Variants in OSBPL9 observed in about 807,000 individuals in gnomAD.
OSBPL9 encodes oxysterol binding protein like 9.
OSBPL9 carries 40 observed loss-of-function variants against 106.6 expected under a neutral mutation model. That is an observed-to-expected ratio of 0.38 (90% CI 0.29 to 0.49). OSBPL9 has a LOEUF of 0.49. Ranked by LOEUF, OSBPL9 falls within the 20% of genes least tolerant of loss-of-function variation. The pLI is 0.97. For synonymous variants in OSBPL9, 269 were observed against 295.4 expected (o/e 0.91, Z 0.92); for missense variants, 609 against 887.2 (o/e 0.69, Z 3.98).
At chr1:51,607,757 C>T (rs1418911724) in intron 2 of OSBPL9, among the ~76,000 whole-genome samples, 1 of 152,178 alleles carries the variant, frequency 6.6e-6, no homozygotes, top group Non-Finnish European at 1.5e-5. Context: ...TTCTCACCTC[C>T]TTGGAGGAAA....
At chr1:51,672,025 T>G (rs984282066) in intron 3 of OSBPL9, among the ~76,000 whole-genome samples, 1 of 152,076 alleles carries the variant, frequency 6.6e-6, no homozygotes, top group Non-Finnish European at 1.5e-5. Context: ...TGGAGAGTAA[T>G]GGAGAATGAA....
intron 4 of OSBPL9, among the ~76,000 whole-genome samples, chr1:51,725,550 T>C (rs570279619): frequency 2.0e-5 from 3 of 152,314 alleles, no homozygotes; most frequent in Admixed American, 1.3e-4. Flanking sequence ...TGAGTGGACC[T>C]TTAGTAATGT....
At chr1:51,582,478 C>T (rs1423101086) in intron 1 of OSBPL9, among the ~76,000 whole-genome samples, 2 of 152,158 alleles carry the variant, frequency 1.3e-5, no homozygotes, top group Admixed American at 6.5e-5. Flanking sequence ...CAGGCACGCA[C>T]CACCATGCAT....
At chr1:51,612,377 C>T (rs759780518), upstream of OSBPL9, among the ~76,000 whole-genome samples, 6 of 152,136 alleles carry the variant, frequency 3.9e-5, no homozygotes, top group Non-Finnish European at 5.9e-5. Flanking sequence ...CTGTCCTTGA[C>T]GAGTTTTTGA....
intron 1 of OSBPL9, among the ~76,000 whole-genome samples, chr1:51,643,768 A>C (rs1461434129): frequency 6.6e-6 from 1 of 151,980 alleles, no homozygotes; most frequent in Non-Finnish European, 1.5e-5. Flanking sequence ...GGAGAGGAAG[A>C]AGAGATAGAG....
chr1:51,730,106 C>T (rs542268786), intron 4 of OSBPL9: 6 of 1,252,060 alleles, frequency 4.8e-6, no homozygotes, highest in East Asian at 6.3e-5. Flanking sequence ...ACCCTGCCTC[C>T]TTCCCGCCGC....
At chr1:51,600,550 GAAATT>G (rs1645321538) in intron 2 of OSBPL9, among the ~76,000 whole-genome samples, 1 of 152,042 alleles carries the variant, frequency 6.6e-6, no homozygotes, top group Non-Finnish European at 1.5e-5. Context: ...GGTTTTAAAA[GAAATT>G]AAAATTAAAA....
intron 1 of OSBPL9, among the ~76,000 whole-genome samples, chr1:51,650,667 T>C (rs1646460389): frequency 6.6e-6 from 1 of 152,242 alleles, no homozygotes; most frequent in South Asian, 2.1e-4. Context: ...TATAGTTTCA[T>C]GTGGGATAAT....
At chr1:51,528,431 C>T in the OSBPL9 span, among the ~76,000 whole-genome samples, 26 of 151,960 alleles carry the variant, frequency 1.7e-4, no homozygotes, top group Admixed American at 6.6e-5. Context: ...TAAGTCCCAG[C>T]GACCTGGGAG....
In OSBPL9 at chr1:51,776,932, C is replaced by T. The variant is rs930203421; in HGVS notation, c.1256+14C>T. On this transcript the variant is annotated intron_variant, in intron 15 of 23. Transcript: ENST00000428468. ...CCTGTTTGTGAGGTATTTGACTGAA[C>T]ATGGTAGTTTCCAACGTTTACAGAT... The T allele has an allele frequency of 1.9e-6, 3 of 1,586,072 alleles. No individual in the cohort carries two copies. The African/African-American group carries it at 4.0e-5, about 21-fold the overall frequency.
the OSBPL9 span, among the ~76,000 whole-genome samples, chr1:51,525,046 G>T: frequency 6.6e-6 from 1 of 152,214 alleles, no homozygotes; most frequent in African/African-American, 2.4e-5. Context: ...CTGTTTGCCA[G>T]ACTTGGGCTC....
intron 15 of OSBPL9, among the ~76,000 whole-genome samples, chr1:51,777,513 G>T (rs982650665): frequency 6.6e-6 from 1 of 152,144 alleles, no homozygotes; most frequent in Admixed American, 6.5e-5. Context: ...TTGTAATGGG[G>T]AATGTTGTTA....
chr1:51,651,793 T>C (rs2148706329), intron 1 of OSBPL9, among the ~76,000 whole-genome samples, 198 bp from the exon 2 acceptor site: 1 of 152,326 alleles, frequency 6.6e-6, no homozygotes, highest in Non-Finnish European at 1.5e-5. Flanking sequence ...ATGATTAGGT[T>C]AATTTATATA....
the OSBPL9 span, among the ~76,000 whole-genome samples, chr1:51,552,012 G>A: frequency 4.0e-5 from 5 of 126,296 alleles, no homozygotes; most frequent in Admixed American, 7.5e-5. Flanking sequence ...TAGTTTGTTC[G>A]TAAATAAAAT....
intron 4 of OSBPL9, among the ~76,000 whole-genome samples, chr1:51,735,717 G>T (rs375277295): frequency 1.3e-5 from 2 of 152,350 alleles, no homozygotes; most frequent in South Asian, 4.1e-4. Context: ...AGTAATTATT[G>T]TAACACTGAA....
intron 13 of OSBPL9, 33 bp downstream of exon 13, chr1:51,772,215 C>T: frequency 1.3e-6 from 2 of 1,548,004 alleles, no homozygotes; most frequent in South Asian, 2.3e-5. Flanking sequence ...ACTTTTTTTT[C>T]TTTAAAAATA....
intron 3 of OSBPL9, among the ~76,000 whole-genome samples, chr1:51,703,938 T>C (rs907489745): frequency 6.6e-6 from 1 of 152,218 alleles, no homozygotes; most frequent in Admixed American, 6.5e-5. Flanking sequence ...TGGATTACGT[T>C]TATTGATTTG....
intron 8 of OSBPL9, among the ~76,000 whole-genome samples, chr1:51,750,460 C>T (rs2149024645): frequency 6.6e-6 from 1 of 152,244 alleles, no homozygotes; most frequent in South Asian, 2.1e-4. Context: ...ATTATCACTG[C>T]TTAGAACAGG....
intron 4 of OSBPL9, among the ~76,000 whole-genome samples, chr1:51,738,284 A>G (rs1217476551): frequency 3.9e-5 from 6 of 152,056 alleles, no homozygotes; most frequent in Non-Finnish European, 8.8e-5. Context: ...GCTAAGGGTT[A>G]TGATTGAAGT....
Sources: allele counts gnomAD v4.1 joint callset (sites outside exome capture counted in the v4.1 genomes callset), GRCh38; gene constraint gnomAD v4.1.1; transcripts MANE v1.5; gene names NCBI Gene and HGNC (gene_info 2026-07-23, HGNC 2026-07-21).